RORB: variants seen among roughly 807,000 people sequenced by gnomAD.
RORB encodes RAR related orphan receptor B.
A neutral mutation model predicts 59.1 loss-of-function variants in RORB; 6 were observed. The observed-to-expected ratio is 0.10, with a 90% CI of 0.06 to 0.20. The LOEUF (loss-of-function observed/expected upper bound fraction) is 0.20, where lower values mean the gene tolerates loss of function less well. RORB is among the 10% of genes least tolerant of loss of function. The probability of loss-of-function intolerance (pLI) is 1.00; values close to 1 mark genes in which losing one functional copy is unlikely to be tolerated. For synonymous variants in RORB, 215 were observed against 204.5 expected, an observed-to-expected ratio of 1.05 and a Z score of -0.44; for missense variants, 320 against 560.5, an observed-to-expected ratio of 0.57 and a Z score of 4.33.
intron 4 of RORB, among the ~76,000 whole-genome samples, chr9:74,654,997 C>A (rs938585212): frequency 2.6e-5 from 4 of 152,158 alleles, no homozygotes; most frequent in African/African-American, 9.7e-5. Context: ...CCAATTTTTC[C>A]TTGCCTGCAT....
intron 2 of RORB, among the ~76,000 whole-genome samples, chr9:74,633,925 G>A (rs759922858): frequency 2.0e-5 from 3 of 151,606 alleles, no homozygotes; most frequent in African/African-American, 7.3e-5. Context: ...TTCCAGACCC[G>A]GTCACGGTGG....
chr9:74,606,800 T>C (rs1823156907), intron 1 of RORB, among the ~76,000 whole-genome samples: 1 of 152,190 alleles, frequency 6.6e-6, no homozygotes, highest in African/African-American at 2.4e-5. Flanking sequence ...GTATATGTTG[T>C]TGGTGCCTTT....
chr9:74,644,258 T>A (rs1362842183), intron 4 of RORB, among the ~76,000 whole-genome samples: 1 of 152,178 alleles, frequency 6.6e-6, no homozygotes, highest in Non-Finnish European at 1.5e-5. Flanking sequence ...GTAACATTGT[T>A]GACAAAGCAC....
At chr9:74,673,920 T>G (rs1824390581) in intron 9 of RORB, among the ~76,000 whole-genome samples, 1 of 152,154 alleles carries the variant, frequency 6.6e-6, no homozygotes, top group Non-Finnish European at 1.5e-5. Context: ...TTATCTGAAC[T>G]AATGCAAACT....
rs575495190 is a variant in RORB, at chr9:74,662,901, C to G, written c.892+295C>G. Among the ~76,000 whole-genome samples the G allele has an allele frequency of 5.1e-4, 77 of 151,972 alleles. 1 individual carries two copies. Among genetic ancestry groups the G allele is most frequent in the African/African-American group, 1.7e-3 (72 of 41,426 alleles). ...TTAGCGTGTCAAGGTGGCTGAATTG[C>G]TGAGCCGGCGCTAAAACGTACTCCT... On this transcript the variant is annotated intron_variant, in intron 6 of 9. Transcript: ENST00000376896.
chr9:74,659,594 G>A (rs991115499), intron 4 of RORB, among the ~76,000 whole-genome samples: 9 of 152,026 alleles, frequency 5.9e-5, no homozygotes, highest in African/African-American at 9.7e-5. Flanking sequence ...AGGTTCAAGC[G>A]ATTCTCCTGC....
At chr9:74,540,323 G>A (rs558245003) in intron 1 of RORB, among the ~76,000 whole-genome samples, 3 of 152,074 alleles carry the variant, frequency 2.0e-5, no homozygotes, top group East Asian at 1.9e-4. Context: ...ATCCTTCCAC[G>A]TCATAGCTGT....
At chr9:74,675,464 A>G (rs1824422148) in intron 9 of RORB, among the ~76,000 whole-genome samples, 4 of 152,038 alleles carry the variant, frequency 2.6e-5, no homozygotes, top group East Asian at 1.9e-4. Flanking sequence ...TCTCTTTAGT[A>G]TTATCTTGTT....
intron 9 of RORB, among the ~76,000 whole-genome samples, chr9:74,682,346 C>T (rs925581177): frequency 2.6e-5 from 4 of 151,354 alleles, no homozygotes; most frequent in Admixed American, 1.3e-4. Flanking sequence ...TGATGAGTTA[C>T]TGGGTGCAGC....
chr9:74,566,826 G>C (rs1822476673), intron 1 of RORB, among the ~76,000 whole-genome samples: 1 of 152,148 alleles, frequency 6.6e-6, no homozygotes, highest in Non-Finnish European at 1.5e-5. Context: ...TAAAGAAGCA[G>C]GGTAAGATAT....
At chr9:74,557,554 C>T (rs1032793135) in intron 1 of RORB, among the ~76,000 whole-genome samples, 13 of 152,218 alleles carry the variant, frequency 8.5e-5, no homozygotes, top group African/African-American at 1.4e-4. Flanking sequence ...GTGGTTGGAA[C>T]ATCCAACCTC....
intron 1 of RORB, among the ~76,000 whole-genome samples, chr9:74,541,499 G>T (rs766566940): frequency 6.6e-6 from 1 of 151,954 alleles, no homozygotes; most frequent in Non-Finnish European, 1.5e-5. Context: ...GTAAACAGCC[G>T]TCTTATCCTC....
chr9:74,555,722 C>A (rs143842466), intron 1 of RORB, among the ~76,000 whole-genome samples: 19 of 152,296 alleles, frequency 1.2e-4, no homozygotes, highest in Non-Finnish European at 2.2e-4. Context: ...CCAATTAGAG[C>A]TTGGGCTCAG....
At chr9:74,636,613 A>C (rs1823708039) in intron 3 of RORB, among the ~76,000 whole-genome samples, 1 of 152,192 alleles carries the variant, frequency 6.6e-6, no homozygotes, top group South Asian at 2.1e-4. Flanking sequence ...AATAAGAGCA[A>C]TATAGTGTCT....
chr9:74,508,490 G>T (rs1825896469), intron 1 of RORB, among the ~76,000 whole-genome samples: 1 of 151,936 alleles, frequency 6.6e-6, no homozygotes, highest in Admixed American at 6.6e-5. Context: ...GTTGATTTGT[G>T]TATTGATTAA....
At position 74,642,631 on chromosome 9, in the gene RORB, G is replaced by A; in HGVS notation, c.453G>A (p.Lys151=). 6.2e-7 allele frequency: 1 copy of A among 1,614,226 alleles called. No homozygotes were observed. The highest frequency in any genetic ancestry group is 1.3e-5 in the African/African-American group (1 of 75,064). The change falls in exon 4 of 10, where the codon AAG becomes AAA. Residue 151 remains lysine, a synonymous_variant. Coordinates refer to ENST00000376896, the MANE Select transcript of RORB (RefSeq NM_006914.4). ...ACGGGCACGTCATTGACCTGCCCAAGTCTGAGGGTTATTACAACGTCGATT... is the reference window on the plus strand; with the variant it reads ...ACGGGCACGTCATTGACCTGCCCAAATCTGAGGGTTATTACAACGTCGATT... ...YANGHVIDLP[K]SEGYYNVDSG...
rs554678503 is a variant in RORB, at chr9:74,562,265, A to G, written c.7+64282A>G. 6.2e-4 allele frequency among the ~76,000 whole-genome samples: 95 copies of G among 152,290 alleles called. 1 individual carries two copies. Among genetic ancestry groups the G allele is most frequent in the African/African-American group, 2.2e-3 (91 of 41,566 alleles). The stretch of plus-strand genomic sequence containing the variant: ...GTAACTCCGTATCTAACCTATAAGG[A>G]TATGCTCAAATATTATTCTTGGTAT... On this transcript the variant is annotated intron_variant, in intron 1 of 9. Coordinates refer to ENST00000376896, the MANE Select transcript of RORB (RefSeq NM_006914.4).
At chr9:74,549,921 G>C (rs1243303986) in intron 1 of RORB, among the ~76,000 whole-genome samples, 4 of 151,936 alleles carry the variant, frequency 2.6e-5, no homozygotes, top group Non-Finnish European at 5.9e-5. Context: ...GTAGAGACGG[G>C]GTTTCACCAT....
intron 1 of RORB, among the ~76,000 whole-genome samples, chr9:74,565,708 A>G (rs999546825): frequency 1.3e-5 from 2 of 152,166 alleles, no homozygotes; most frequent in Non-Finnish European, 1.5e-5. Context: ...CTTCTTTTTC[A>G]TACATTTTTA....
Sources: gnomAD v4.1 joint callset for allele counts (sites outside exome capture counted in the v4.1 genomes callset) on GRCh38, gnomAD v4.1.1 for gene constraint, MANE v1.5 for transcripts, NCBI Gene and HGNC (gene_info 2026-07-23, HGNC 2026-07-21) for gene names.